Variants in LPP observed in about 807,000 individuals in gnomAD.
LPP encodes the protein LIM domain containing preferred translocation partner in lipoma.
LPP carries 38 observed loss-of-function variants against 60.4 expected under a neutral mutation model. The observed-to-expected ratio is 0.63, with a 90% CI of 0.49 to 0.83. The LOEUF is 0.83. Among genes scored for constraint, LPP ranks in the 40% least tolerant of loss-of-function variants. The probability of loss-of-function intolerance (pLI) is 0.00; values close to 1 mark genes in which losing one functional copy is unlikely to be tolerated. For synonymous variants in LPP, 328 were observed against 290.8 expected (o/e 1.13, Z -1.30); for missense variants, 902 against 783.6 (o/e 1.15, Z -1.80).
chr3:188,607,418 A>ATTTTTT (rs774045050), intron 6 of LPP, among the ~76,000 whole-genome samples: 7 of 38,498 alleles, frequency 1.8e-4, no homozygotes, highest in African/African-American at 4.8e-4. Flanking sequence ...TATATATATA[A>ATTTTTT]TTTTTTTTTC....
intron 9 of LPP, among the ~76,000 whole-genome samples, chr3:188,822,736 G>C (rs1031769083): frequency 6.6e-6 from 1 of 152,162 alleles, no homozygotes; most frequent in African/African-American, 2.4e-5. Context: ...CATTCAGTAG[G>C]TGTTTGTTGA....
At chr3:188,645,043 G>A (rs557092054) in intron 7 of LPP, among the ~76,000 whole-genome samples, 1 of 152,162 alleles carries the variant, frequency 6.6e-6, no homozygotes, top group Admixed American at 6.5e-5. Flanking sequence ...TTATAGTAAA[G>A]AGTAAATGAG....
At chr3:188,817,469 A>T (rs1007144212) in intron 9 of LPP, among the ~76,000 whole-genome samples, 6 of 152,208 alleles carry the variant, frequency 3.9e-5, no homozygotes, top group Non-Finnish European at 8.8e-5. Context: ...TATTATAGAG[A>T]TACACAAATG....
At chr3:188,545,256 A>T (rs6783111) in intron 6 of LPP, among the ~76,000 whole-genome samples, 7,738 of 84,520 alleles carry the variant, frequency 0.092, 681 homozygotes, top group African/African-American at 0.28. Flanking sequence ...AAGTATAATT[A>T]AAAAAAAAAA....
At chr3:188,271,594 C>T (rs1737751135) in intron 2 of LPP, among the ~76,000 whole-genome samples, 1 of 152,222 alleles carries the variant, frequency 6.6e-6, no homozygotes, top group Admixed American at 6.5e-5. Context: ...GTCACTTTCA[C>T]TTTGAGATAA....
intron 2 of LPP, among the ~76,000 whole-genome samples, chr3:188,320,297 A>G (rs2150371265): frequency 6.6e-6 from 1 of 152,310 alleles, no homozygotes; most frequent in Non-Finnish European, 1.5e-5. Context: ...GAAAGCCGAA[A>G]CTCCCAAATC....
intron 9 of LPP, among the ~76,000 whole-genome samples, chr3:188,798,956 G>A (rs1746209207): frequency 6.6e-6 from 1 of 152,242 alleles, no homozygotes; most frequent in African/African-American, 2.4e-5. Flanking sequence ...TTAAAAGGGT[G>A]ATTAACTGTT....
chr3:188,375,092 T>C (rs916021908), intron 3 of LPP, among the ~76,000 whole-genome samples: 3 of 152,200 alleles, frequency 2.0e-5, no homozygotes, highest in Non-Finnish European at 2.9e-5. Flanking sequence ...CTTGACGTGC[T>C]GCTGGATTCG....
chr3:188,491,382 T>G (rs1430117418), intron 5 of LPP, among the ~76,000 whole-genome samples: 4 of 152,236 alleles, frequency 2.6e-5, no homozygotes, highest in South Asian at 2.1e-4. Context: ...AGAGCTTTAA[T>G]GTATTCTAAA....
At chr3:188,565,287 C>T (rs1345705114) in intron 6 of LPP, among the ~76,000 whole-genome samples, 3 of 151,984 alleles carry the variant, frequency 2.0e-5, no homozygotes, top group Admixed American at 6.6e-5. Context: ...ATGTACTTCT[C>T]TATCACAGAG....
rs1258320133 is a variant in LPP at position 188,182,504 on chromosome 3, T to A, written c.-190+28252T>A. Among the ~76,000 whole-genome samples the A allele has an allele frequency of 6.6e-6, 1 of 152,172 alleles. No individual in the cohort carries two copies. Among genetic ancestry groups the A allele is most frequent in the Non-Finnish European group, 1.5e-5 (1 of 68,032 alleles). On this transcript the variant is annotated intron_variant, in intron 1 of 11. Transcript: ENST00000617246. This position sits in a 1 kb window ranked among gnomAD's most constrained non-coding sequence, Gnocchi z 4.4. Reference sequence around the variant, plus strand: ...CAGCACCAGCTGCCATCTGGCCTAGTGAGACCTATGTGGCTGCCATTGTTT... The same window carrying A: ...CAGCACCAGCTGCCATCTGGCCTAGAGAGACCTATGTGGCTGCCATTGTTT...
chr3:188,269,994 A>G (rs113693249), intron 2 of LPP, among the ~76,000 whole-genome samples: 3 of 119,194 alleles, frequency 2.5e-5, no homozygotes, highest in African/African-American at 1.2e-4. Flanking sequence ...TTCTTTTCTT[A>G]TCGTTTCTTT....
chr3:188,819,212 A>G (rs1007727693), intron 9 of LPP, among the ~76,000 whole-genome samples: 3 of 152,038 alleles, frequency 2.0e-5, no homozygotes, highest in Admixed American at 2.0e-4. Flanking sequence ...ACAAGATTGT[A>G]TTGTGTGATG....
chr3:188,485,437 A>G (rs1806087257), intron 5 of LPP, among the ~76,000 whole-genome samples: 1 of 152,242 alleles, frequency 6.6e-6, no homozygotes, highest in South Asian at 2.1e-4. Flanking sequence ...CTATGTTCGC[A>G]TAGATACATT....
At chr3:188,837,805 CAGGAGGCAAGAAA>C (rs1758863499) in intron 9 of LPP, among the ~76,000 whole-genome samples, 1 of 152,052 alleles carries the variant, frequency 6.6e-6, no homozygotes, top group African/African-American at 2.4e-5. Context: ...TGTCATTGCC[CAGGAGGCAAGAAA>C]GGGAGGCAGA....
chr3:188,231,675 C>T (rs1266585431), intron 2 of LPP, among the ~76,000 whole-genome samples: 1 of 151,938 alleles, frequency 6.6e-6, no homozygotes, highest in Non-Finnish European at 1.5e-5. Flanking sequence ...GAACCATCTG[C>T]AGCTCCTCTC....
rs149869523 is a variant in LPP, at chr3:188,451,150, G to A, written c.194-33442G>A. 2.0e-5 allele frequency among the ~76,000 whole-genome samples: 3 copies of A among 152,170 alleles called. No homozygotes were observed. The East Asian group carries it at 5.8e-4, about 29-fold the overall frequency. Reference sequence around the variant, plus strand: ...TTTTCTTCATGCCATCACCAGCACGGGGTATTGCATGACTTTATATTTTTT... The same window carrying A: ...TTTTCTTCATGCCATCACCAGCACGAGGTATTGCATGACTTTATATTTTTT... On this transcript the variant is annotated intron_variant, in intron 4 of 11. Coordinates refer to ENST00000617246, the MANE Select transcript of LPP (RefSeq NM_001375462.1).
chr3:188,276,894 CTTTTTTTTTT>C (rs1203656488), intron 2 of LPP, among the ~76,000 whole-genome samples: 1 of 38,204 alleles, frequency 2.6e-5, no homozygotes, highest in Non-Finnish European at 5.0e-5. Context: ...CTTTTCTTTT[CTTTTTTTTTT>C]TTTTTTTTTT....
At chr3:188,284,328 G>A (rs1419161918) in intron 2 of LPP, among the ~76,000 whole-genome samples, 1 of 152,124 alleles carries the variant, frequency 6.6e-6, no homozygotes. Flanking sequence ...TGAGAGACAA[G>A]TTAGTGTTTA....
Sources: allele counts gnomAD v4.1 joint callset (sites outside exome capture counted in the v4.1 genomes callset), GRCh38; gene constraint gnomAD v4.1.1; non-coding constraint Gnocchi (gnomAD v3.1); transcripts MANE v1.5; gene names NCBI Gene and HGNC (gene_info 2026-07-23, HGNC 2026-07-21).